The following MYH7B variants were observed in gnomAD, a reference collection of about 807,000 sequenced individuals.
MYH7B encodes myosin-7B.
A neutral mutation model predicts 234.5 loss-of-function variants in MYH7B; 205 were observed. The observed-to-expected ratio is 0.87, with a 90% confidence interval of 0.78 to 0.98. The LOEUF is 0.98. Ranked by LOEUF, MYH7B falls within the 50% of genes least tolerant of loss-of-function variation. The pLI is 0.00. For synonymous variants in MYH7B, 1,193 were observed against 1,105.0 expected (o/e 1.08, Z -1.58); for missense variants, 2,652 against 2,633.4 (o/e 1.01, Z -0.15).
chr20:35,000,296 C>T, exon 39 of MYH7B: 1 of 1,572,544 alleles, frequency 6.4e-7, no homozygotes, highest in Non-Finnish European at 8.6e-7. Context: ...CCCATAGGCG[C>T]AACCACCAGC....
intron 8 of MYH7B, 110 bp from the exon 9 acceptor site, chr20:34,980,923 A>C (rs2081932962): frequency 6.5e-7 from 1 of 1,535,350 alleles, no homozygotes; most frequent in Admixed American, 1.7e-5. Flanking sequence ...GCTCCTTCCC[A>C]TTCCTGGCTC....
chr20:34,980,268 G>A, intron 7 of MYH7B: 1 of 348,288 alleles, frequency 2.9e-6, no homozygotes, highest in Non-Finnish European at 5.3e-6. Flanking sequence ...ACCTATGGGG[G>A]GAGAATGTGG....
chr20:35,001,982 G>A lies in MYH7B; in HGVS notation c.5711G>A (p.Arg1904His), dbSNP rs200260477. The A allele has an allele frequency of 8.2e-5, 132 of 1,613,878 alleles. No homozygotes were observed. In the Admixed American group the frequency reaches 1.4e-3, roughly 17 times the overall value. ...GCCAACACCAACCTGGCCAAGTATCGCAAGGCCCAGCACGAGCTGGATGAT... is the reference window on the plus strand; with the variant it reads ...GCCAACACCAACCTGGCCAAGTATCACAAGGCCCAGCACGAGCTGGATGAT... Residue 1904 changes from arginine to histidine, a missense_variant, in exon 44 of 45, where the codon CGC (arginine) becomes CAC (histidine). By Grantham distance (29) the Arg-to-His change is conservative. Coordinates refer to ENST00000262873, the Ensembl canonical transcript of MYH7B.
rs1008331152 is a variant in MYH7B, at chr20:34,989,782, C to T, written c.1630C>T (p.Pro544Ser). 1 of 1,613,998 alleles carries T rather than the reference C, an allele frequency of 6.2e-7. No homozygotes were observed. Among genetic ancestry groups the T allele is most frequent in the Admixed American group, 1.7e-5 (1 of 59,996 alleles). The change falls in exon 20 of 45, where the codon CCC becomes TCC. Residue 544 changes from proline (P) to serine (S), a missense_variant. This residue lies in a region of MYH7B where 2,279 missense variants were observed against 2,211.4 expected (regional missense o/e 1.03). Coordinates refer to ENST00000262873, the Ensembl canonical transcript of MYH7B. The stretch of plus-strand genomic sequence containing the variant: ...CATCCTGGAGGAGGAATGCATGTTC[C>T]CCAAGGCCTCAGACGCCAGCTTCCG...
intron 2 of MYH7B, among the ~76,000 whole-genome samples, chr20:34,962,035 C>G (rs2081702722): frequency 6.6e-6 from 1 of 152,108 alleles, no homozygotes; most frequent in Admixed American, 6.5e-5. Context: ...GAATTCAAGG[C>G]CAGCCTGGGC....
intron 2 of MYH7B, among the ~76,000 whole-genome samples, chr20:34,974,734 G>C (rs2081830223): frequency 6.6e-6 from 1 of 152,172 alleles, no homozygotes; most frequent in South Asian, 2.1e-4. Context: ...TCTATAAATT[G>C]CTCCAGCCCA....
rs767927138 is a variant in MYH7B at position 34,997,291 on chromosome 20, G to A, written c.3398G>A (p.Arg1133Gln). ...CTGGAAGAGGAGCTGGAGGCAGAGC[G>A]GGCAGCCCGGGCCCGCGTGGAGAAG... The change falls in exon 32 of 45, where the codon CGG (arginine) becomes CAG (glutamine). Residue 1133 changes from arginine to glutamine, a missense_variant. Around this residue, in one of 3 missense-constraint regions of MYH7B, gnomAD observed 2,279 missense variants for 2,211.4 expected, o/e 1.03. Coordinates refer to ENST00000262873, the Ensembl canonical transcript of MYH7B. 1.1e-5 allele frequency: 17 copies of A among 1,555,302 alleles called. No homozygotes were observed. In the Admixed American group the frequency reaches 1.7e-4, roughly 16 times the overall value.
intron 10 of MYH7B, 91 bp from the exon 11 acceptor site, chr20:34,984,601 C>A: frequency 8.3e-7 from 1 of 1,204,438 alleles, no homozygotes; most frequent in Non-Finnish European, 1.2e-6. Context: ...CCCTGTCCTG[C>A]TGCCCGCTGC....
chr20:34,987,621 C>A, exon 17 of MYH7B: 2 of 1,614,024 alleles, frequency 1.2e-6, no homozygotes, highest in Non-Finnish European at 1.7e-6. Context: ...GCCTTTTGCA[C>A]CCCCGGGTGC....
chr20:34,997,323 G>A lies in MYH7B; in HGVS notation c.3430G>A (p.Ala1144Thr), dbSNP rs765353897. 4.5e-6 allele frequency: 7 copies of A among 1,549,186 alleles called. No homozygotes were observed. Among genetic ancestry groups the A allele is most frequent in the Non-Finnish European group, 6.1e-6 (7 of 1,148,482 alleles). ...CCGGGCCCGCGTGGAGAAGCAGCGT[G>A]CAGAGGCGGCGCGGGAGCTGGAGGA... Residue 1144 changes from alanine to threonine, a missense_variant, in exon 32 of 45, where the codon GCA becomes ACA. By Grantham distance (58) the Ala-to-Thr change is moderately conservative. This residue lies in a region of MYH7B where 2,279 missense variants were observed against 2,211.4 expected (regional missense o/e 1.03). Coordinates refer to ENST00000262873, the Ensembl canonical transcript of MYH7B.
intron 10 of MYH7B, 21 bp from the exon 11 acceptor site, chr20:34,984,671 T>TTGTC (rs762757558): frequency 1.9e-6 from 3 of 1,595,234 alleles, no homozygotes; most frequent in Non-Finnish European, 2.6e-6. Flanking sequence ...CCCTCTAATG[T>TTGTC]TGTCTGTCTT....
intron 2 of MYH7B, among the ~76,000 whole-genome samples, chr20:34,962,966 C>T (rs1225696826): frequency 6.6e-6 from 1 of 152,174 alleles, no homozygotes; most frequent in Non-Finnish European, 1.5e-5. Flanking sequence ...GGCGTGGTGG[C>T]GCACACCTGT....
At chr20:34,987,397 T>G in intron 16 of MYH7B, 110 bp downstream of exon 16, 2 of 1,493,510 alleles carry the variant, frequency 1.3e-6, no homozygotes, top group Admixed American at 3.6e-5. Context: ...TACCTGGCCC[T>G]GCCTCCTCAG....
chr20:34,966,744 A>T (rs2081745261), intron 2 of MYH7B, among the ~76,000 whole-genome samples: 1 of 152,202 alleles, frequency 6.6e-6, no homozygotes, highest in South Asian at 2.1e-4. Flanking sequence ...ATATACAATT[A>T]TCTCAATAGA....
At chr20:34,991,511 C>T (rs1250474352) in intron 24 of MYH7B, among the ~76,000 whole-genome samples, 1 of 152,172 alleles carries the variant, frequency 6.6e-6, no homozygotes, top group Non-Finnish European at 1.5e-5. Flanking sequence ...GGTTTGAGCT[C>T]TGTTTTGCGT....
intron 30 of MYH7B, 148 bp from the exon 31 acceptor site, chr20:34,996,935 G>A: frequency 7.8e-7 from 1 of 1,280,640 alleles, no homozygotes. Flanking sequence ...CCTAGCCAGG[G>A]TCCAGGGCTG....
At chr20:34,982,248 C>T (rs540983418) in intron 9 of MYH7B, among the ~76,000 whole-genome samples, 174 of 152,140 alleles carry the variant, frequency 1.1e-3, no homozygotes, top group African/African-American at 4.1e-3. Flanking sequence ...TGAGTTAGTC[C>T]GTAGTGGACA....
chr20:34,965,141 C>T (rs1233037015), intron 2 of MYH7B, among the ~76,000 whole-genome samples: 1 of 152,154 alleles, frequency 6.6e-6, no homozygotes, highest in Non-Finnish European at 1.5e-5. Context: ...ACCCTCTTGC[C>T]TTGGCCTCCC....
intron 34 of MYH7B, 26 bp from the exon 35 acceptor site, chr20:34,998,693 C>G (rs369151166): frequency 6.2e-7 from 1 of 1,611,720 alleles, no homozygotes; most frequent in Non-Finnish European, 8.5e-7. Flanking sequence ...GCTGCACTAA[C>G]GCTGAGGTCA....
Sources: gnomAD v4.1 joint callset for allele counts (sites outside exome capture counted in the v4.1 genomes callset) on GRCh38, gnomAD v4.1.1 for gene constraint, gnomAD v4.1.1 regional missense constraint, MANE v1.5 for transcripts, NCBI Gene and HGNC (gene_info 2026-07-23, HGNC 2026-07-21) for gene names.